LYN: variants seen among roughly 807,000 people sequenced by gnomAD.
The protein encoded by LYN is LYN proto-oncogene, Src family tyrosine kinase, also known as tyrosine-protein kinase Lyn.
LYN carries 12 observed loss-of-function variants against 65.0 expected under a neutral mutation model. The observed-to-expected ratio is 0.18, with a 90% CI of 0.12 to 0.30. The LOEUF (loss-of-function observed/expected upper bound fraction) is 0.30, where lower values mean the gene tolerates loss of function less well. LYN is among the 10% of genes least tolerant of loss of function. LYN has a pLI of 1.00. For missense variants in LYN, 380 were observed against 623.2 expected, an observed-to-expected ratio of 0.61 and a Z score of 4.16; for synonymous variants, 222 against 221.2, an observed-to-expected ratio of 1.00 and a Z score of -0.03.
At chr8:55,923,696 T>C (rs1218666173) in intron 1 of LYN, among the ~76,000 whole-genome samples, 1 of 152,034 alleles carries the variant, frequency 6.6e-6, no homozygotes, top group Non-Finnish European at 1.5e-5. Context: ...CCTGCTGCCA[T>C]ACCCACCTGA....
At chr8:55,902,974 G>C in intron 1 of LYN, 1 of 320,494 alleles carries the variant, frequency 3.1e-6, no homozygotes, top group Non-Finnish European at 6.1e-6. Flanking sequence ...TCAGCCTCCC[G>C]AGTAGCTGGG....
At chr8:55,921,935 G>T (rs1411342674) in intron 1 of LYN, among the ~76,000 whole-genome samples, 1 of 152,190 alleles carries the variant, frequency 6.6e-6, no homozygotes, top group African/African-American at 2.4e-5. Flanking sequence ...ATACAAGGGT[G>T]TGCAAAACTG....
intron 1 of LYN, among the ~76,000 whole-genome samples, chr8:55,914,181 C>G (rs1331027196): frequency 4.0e-5 from 6 of 151,096 alleles, no homozygotes; most frequent in Admixed American, 4.0e-4. Flanking sequence ...GAAAGGCAGG[C>G]CAGGTCAGAG....
chr8:56,010,711 G>A lies in LYN; in HGVS notation c.*601G>A, dbSNP rs1808790865. On this transcript the variant is annotated 3_prime_UTR_variant, in exon 13 of 13. Transcript: ENST00000519728. The stretch of plus-strand genomic sequence containing the variant: ...GACTGTTAAAACATTTTTCTTCTAT[G>A]AACACTGCTCAGACCTGCTAGACAT... The A allele has an allele frequency of 4.4e-6, 1 of 225,808 alleles. No individual in the cohort carries two copies. 14.0% of individuals were successfully genotyped at this position (225,808 alleles called of 1,614,324 possible).
chr8:56,010,354 C>T lies in LYN; in HGVS notation c.*244C>T, dbSNP rs1218067153. 47 of 492,628 alleles carry T rather than the reference C, an allele frequency of 9.5e-5. No homozygotes were observed. The East Asian group carries it at 1.6e-3, about 17-fold the overall frequency. 30.5% of individuals were successfully genotyped at this position (492,628 alleles called of 1,614,324 possible). On this transcript the variant is annotated 3_prime_UTR_variant, in exon 13 of 13. Coordinates refer to ENST00000519728, the MANE Select transcript of LYN (RefSeq NM_002350.4). Reference sequence around the variant, plus strand: ...CTCAGCAGCTGGTAATCTTGCTCTGCTTGACAACATCTGAGTGCAGCCGTT... The same window carrying T: ...CTCAGCAGCTGGTAATCTTGCTCTGTTTGACAACATCTGAGTGCAGCCGTT...
At chr8:55,995,883 A>G (rs1808361159) in intron 10 of LYN, among the ~76,000 whole-genome samples, 1 of 152,190 alleles carries the variant, frequency 6.6e-6, no homozygotes, top group Admixed American at 6.5e-5. Context: ...TTTGAGACTG[A>G]TGTAGGCCAC....
chr8:55,970,891 T>C (rs1170437206), intron 10 of LYN, among the ~76,000 whole-genome samples: 2 of 152,216 alleles, frequency 1.3e-5, no homozygotes, highest in African/African-American at 4.8e-5. Context: ...AGAATGGTAA[T>C]TCCTGCTTTA....
At chr8:55,908,506 A>G (rs1032171760) in intron 1 of LYN, among the ~76,000 whole-genome samples, 1 of 151,988 alleles carries the variant, frequency 6.6e-6, no homozygotes, top group East Asian at 1.9e-4. Flanking sequence ...CAGCCTCCCA[A>G]AGTGTTGGGA....
intron 2 of LYN, among the ~76,000 whole-genome samples, chr8:55,943,575 C>CAA (rs71555625): frequency 1.3e-3 from 104 of 77,706 alleles, no homozygotes; most frequent in East Asian, 2.7e-3. Flanking sequence ...GACTCTGTCT[C>CAA]AAAAAAAAAA....
intron 10 of LYN, among the ~76,000 whole-genome samples, chr8:55,982,368 A>G (rs1038959113): frequency 2.0e-5 from 3 of 152,080 alleles, no homozygotes; most frequent in Admixed American, 6.5e-5. Context: ...TAACCATTTC[A>G]AAAAGTTTTG....
At chr8:55,995,070 C>T (rs1196138832) in intron 10 of LYN, among the ~76,000 whole-genome samples, 1 of 152,180 alleles carries the variant, frequency 6.6e-6, no homozygotes, top group Non-Finnish European at 1.5e-5. Context: ...GAAACAGAGG[C>T]AGGGCTCCTC....
chr8:55,902,022 T>C (rs569234488), intron 1 of LYN, among the ~76,000 whole-genome samples: 6 of 151,862 alleles, frequency 4.0e-5, no homozygotes, highest in African/African-American at 1.4e-4. Context: ...TTTCTTTTTT[T>C]TTTGAGACGA....
rs1808889038 is a variant in LYN at position 56,014,157 on chromosome 8, C to A, written c.*4047C>A. The A allele has an allele frequency of 6.6e-6, 1 of 152,128 alleles. No homozygotes were observed. Among genetic ancestry groups the A allele is most frequent in the African/African-American group, 2.4e-5 (1 of 41,422 alleles). 9.4% of individuals were successfully genotyped at this position (152,128 alleles called of 1,614,324 possible). A position where few individuals can be genotyped will look rare whatever the true frequency, so the allele number is the denominator to read the frequency against. On this transcript the variant is annotated 3_prime_UTR_variant, in exon 13 of 13. Transcript: ENST00000519728. ...CATATTGTTTCCTTGTGAAATAAAA[C>A]CAGTGAAACACCTTTGTGTAGAATC... is the stretch of plus-strand genomic sequence containing the variant.
intron 10 of LYN, among the ~76,000 whole-genome samples, chr8:55,979,965 G>A (rs1807873538): frequency 1.3e-5 from 2 of 152,182 alleles, no homozygotes; most frequent in Admixed American, 6.5e-5. Context: ...CCTTGGAGAT[G>A]AGGCCTGCAG....
At chr8:55,968,093 C>T (rs771211570) in intron 9 of LYN, among the ~76,000 whole-genome samples, 6 of 152,034 alleles carry the variant, frequency 3.9e-5, no homozygotes, top group Non-Finnish European at 7.4e-5. Flanking sequence ...GCAAACAAAC[C>T]AATTAGCTCT....
chr8:56,002,995 C>T (rs1025371824), intron 12 of LYN, among the ~76,000 whole-genome samples: 4 of 151,930 alleles, frequency 2.6e-5, no homozygotes, highest in South Asian at 2.1e-4. Context: ...AGAGAATCCA[C>T]GATGAATGGA....
At chr8:56,005,422 C>T (rs1349191190) in intron 12 of LYN, among the ~76,000 whole-genome samples, 3 of 152,214 alleles carry the variant, frequency 2.0e-5, no homozygotes, top group Admixed American at 2.0e-4. Context: ...GGCACTGGTA[C>T]TATGGGCTCC....
Position 55,953,936 on chromosome 8 carries a change from A to C in LYN, c.742A>C (p.Lys248Gln). 6.2e-7 allele frequency: 1 copy of C among 1,614,126 alleles called. No homozygotes were observed. The highest frequency in any genetic ancestry group is 8.5e-7 in the Non-Finnish European group (1 of 1,179,996). The stretch of plus-strand genomic sequence containing the variant: ...CTGGGAGATCCCCCGGGAGTCCATC[A>C]AGTTGGTGAAAAGGCTTGGCGCTGG... Reference protein sequence around the residue: ...DAWEIPRESIKLVKRLGAGQF... With the variant: ...DAWEIPRESIQLVKRLGAGQF... Residue 248 changes from lysine (K) to glutamine (Q), a missense_variant, in exon 8 of 13, where the codon AAG becomes CAG. Transcript: ENST00000519728.
rs1457300597 is a variant in LYN at position 56,010,509 on chromosome 8, T to TAA, written c.*401_*402dup. On this transcript the variant is annotated 3_prime_UTR_variant, in exon 13 of 13. Transcript: ENST00000519728. ...ATAATTGCAGAACTAAACTCATTTATAAAGCTAAAATAACCGGATATATAC... is the reference window on the plus strand; with the variant it reads ...ATAATTGCAGAACTAAACTCATTTATAAAAAGCTAAAATAACCGGATATATAC... The TAA allele has an allele frequency of 1.1e-5, 3 of 266,334 alleles. No individual in the cohort carries two copies. The highest frequency in any genetic ancestry group is 2.2e-5 in the Non-Finnish European group (3 of 136,208). The allele number at this position is 266,334 out of a possible 1,614,324, so 16.5% of individuals were successfully genotyped here. A position where few individuals can be genotyped will look rare whatever the true frequency, so the allele number is the denominator to read the frequency against.
Sources: gnomAD v4.1 joint callset for allele counts (sites outside exome capture counted in the v4.1 genomes callset) on GRCh38, gnomAD v4.1.1 for gene constraint, MANE v1.5 for transcripts, NCBI Gene and HGNC (gene_info 2026-07-23, HGNC 2026-07-21) for gene names.